Variants in CDH12 observed in about 807,000 individuals in gnomAD.
CDH12 encodes cadherin-12.
A neutral mutation model predicts 74.1 loss-of-function variants in CDH12; 41 were observed. The observed-to-expected ratio is 0.55, with a 90% confidence interval of 0.43 to 0.72. The LOEUF (loss-of-function observed/expected upper bound fraction) is 0.72. CDH12 is among the 30% of genes least tolerant of loss of function. The probability of loss-of-function intolerance (pLI) is 0.00; values close to 1 mark genes in which losing one functional copy is unlikely to be tolerated. For missense variants in CDH12, 945 were observed against 977.2 expected (o/e 0.97, Z 0.44); for synonymous variants, 399 against 355.0 (o/e 1.12, Z -1.39).
intron 1 of CDH12, among the ~76,000 whole-genome samples, chr5:22,788,833 C>A (rs10070288): frequency 0.027 from 4,039 of 151,640 alleles, 183 homozygotes; most frequent in African/African-American, 0.092. Context: ...GGATGTGGTG[C>A]AGTTCACTCT....
At chr5:22,665,774 T>C (rs1344603863) in intron 1 of CDH12, among the ~76,000 whole-genome samples, 1 of 152,180 alleles carries the variant, frequency 6.6e-6, no homozygotes, top group African/African-American at 2.4e-5. Flanking sequence ...ACCATCCAAA[T>C]TATTTCCTTT....
intron 4 of CDH12, among the ~76,000 whole-genome samples, chr5:22,144,884 A>C (rs1188073261): frequency 6.6e-6 from 1 of 152,242 alleles, no homozygotes; most frequent in African/African-American, 2.4e-5. Context: ...TTAAATTACT[A>C]TCTGGTTAAA....
intron 1 of CDH12, among the ~76,000 whole-genome samples, chr5:22,804,443 C>A (rs1244716432): frequency 6.6e-6 from 1 of 151,902 alleles, no homozygotes; most frequent in East Asian, 1.9e-4. Flanking sequence ...AATGTGGGGG[C>A]TGCTAAATCC....
chr5:21,771,252 A>G (rs1745310212), intron 11 of CDH12, among the ~76,000 whole-genome samples: 1 of 152,016 alleles, frequency 6.6e-6, no homozygotes, highest in Non-Finnish European at 1.5e-5. Flanking sequence ...AATTACAACT[A>G]CAATAACTTC....
chr5:22,405,391 G>A (rs977919455), intron 2 of CDH12, 40 bp from the exon 3 acceptor site: 1 of 469,866 alleles, frequency 2.1e-6, no homozygotes, highest in Admixed American at 6.4e-5. Context: ...GAATATGCAA[G>A]ACTCTCTGTA....
At chr5:22,104,491 A>C (rs1025614563) in intron 4 of CDH12, among the ~76,000 whole-genome samples, 53 of 151,926 alleles carry the variant, frequency 3.5e-4, no homozygotes, top group Admixed American at 3.5e-3. Flanking sequence ...GAAAAAAAAA[A>C]CTTTGTTTTT....
At chr5:22,743,684 T>G (rs1745148583) in intron 1 of CDH12, among the ~76,000 whole-genome samples, 1 of 152,190 alleles carries the variant, frequency 6.6e-6, no homozygotes, top group Non-Finnish European at 1.5e-5. Context: ...GACTTATATA[T>G]TAAATGCATA....
At chr5:22,458,315 CCTAGGAAGATACT>C (rs1257573363) in intron 2 of CDH12, among the ~76,000 whole-genome samples, 1 of 152,134 alleles carries the variant, frequency 6.6e-6, no homozygotes, top group Non-Finnish European at 1.5e-5. Flanking sequence ...CTCTCCTCTT[CCTAGGAAGATACT>C]AGCAATATTG....
At chr5:22,796,686 A>T (rs1394159179) in intron 1 of CDH12, among the ~76,000 whole-genome samples, 2 of 131,854 alleles carry the variant, frequency 1.5e-5, no homozygotes, top group Non-Finnish European at 3.1e-5. Flanking sequence ...CGCCCGGCTA[A>T]TTTTTTTGTA....
In CDH12 at chr5:22,605,362, A is replaced by G. The variant is rs554240194; in HGVS notation, c.-522-99998T>C. ...GAGGATCCTGACTGAAGCACCTATGAGAAGCTGAAGGGCCTTCCATCAGTC... is the reference window on the plus strand; with the variant it reads ...GAGGATCCTGACTGAAGCACCTATGGGAAGCTGAAGGGCCTTCCATCAGTC... On this transcript the variant is annotated intron_variant, in intron 1 of 14. Coordinates refer to ENST00000382254, the MANE Select transcript of CDH12 (RefSeq NM_004061.5). Among the ~76,000 whole-genome samples, 309 of 152,298 alleles carry G rather than the reference A, an allele frequency of 2.0e-3. 2 individuals are homozygous for G. The highest frequency in any genetic ancestry group is 7.0e-3 in the African/African-American group (292 of 41,572).
chr5:22,323,634 T>C (rs1489562403), intron 3 of CDH12, among the ~76,000 whole-genome samples: 3 of 152,170 alleles, frequency 2.0e-5, no homozygotes, highest in Non-Finnish European at 2.9e-5. Context: ...TATCGCCACA[T>C]GACTAGTGCT....
chr5:22,149,891 A>C (rs867893823), intron 4 of CDH12, among the ~76,000 whole-genome samples: 270 of 152,314 alleles, frequency 1.8e-3, no homozygotes, highest in African/African-American at 6.2e-3. Context: ...GCTTCTCGGG[A>C]GGCTGAGGCA....
intron 1 of CDH12, among the ~76,000 whole-genome samples, chr5:22,680,960 T>A (rs889765930): frequency 6.6e-6 from 1 of 152,064 alleles, no homozygotes; most frequent in African/African-American, 2.4e-5. Context: ...TTCACATTCA[T>A]TAGATTTTTA....
chr5:22,173,534 C>G (rs377700082), intron 4 of CDH12, among the ~76,000 whole-genome samples: 1 of 150,812 alleles, frequency 6.6e-6, no homozygotes, highest in South Asian at 2.1e-4. Flanking sequence ...TCCTGGACAT[C>G]CAAATAGAAT....
intron 1 of CDH12, among the ~76,000 whole-genome samples, chr5:22,741,311 A>G (rs1745013711): frequency 1.3e-5 from 2 of 152,146 alleles, no homozygotes; most frequent in South Asian, 4.1e-4. Context: ...TTGCTTTTAC[A>G]TTTATTAATT....
At chr5:22,529,707 C>A (rs1050745872) in intron 1 of CDH12, among the ~76,000 whole-genome samples, 1 of 152,160 alleles carries the variant, frequency 6.6e-6, no homozygotes, top group Non-Finnish European at 1.5e-5. Context: ...TTAACACATA[C>A]AATTGACCAT....
chr5:22,804,197 T>A (rs1748669927), intron 1 of CDH12, among the ~76,000 whole-genome samples: 1 of 152,212 alleles, frequency 6.6e-6, no homozygotes, highest in Middle Eastern at 3.2e-3. Flanking sequence ...GGAAACAGAA[T>A]AATGATAGTG....
At chr5:21,760,709 GTTTCAAAGAGGAC>G in intron 12 of CDH12, 34 bp from the exon 13 acceptor site, 1 of 1,241,106 alleles carries the variant, frequency 8.1e-7, no homozygotes, top group Non-Finnish European at 1.2e-6. Context: ...TCGGTCATCA[GTTTCAAAGAGGAC>G]TTTACACAGC....
intron 6 of CDH12, among the ~76,000 whole-genome samples, chr5:21,872,835 A>G (rs1304687703): frequency 6.8e-6 from 1 of 146,622 alleles, no homozygotes; most frequent in African/African-American, 2.5e-5. Flanking sequence ...TCTATCTATC[A>G]TCTATTATCT....
Sources: gnomAD v4.1 joint callset for allele counts (sites outside exome capture counted in the v4.1 genomes callset) on GRCh38, gnomAD v4.1.1 for gene constraint, MANE v1.5 for transcripts, NCBI Gene and HGNC (gene_info 2026-07-23, HGNC 2026-07-21) for gene names.